The following SEMA6D variants were observed in gnomAD, a reference collection of about 807,000 sequenced individuals.
SEMA6D encodes the protein semaphorin-6D.
In SEMA6D, 35 loss-of-function variants were observed where a neutral mutation model predicts 106.6. The observed-to-expected ratio is 0.33, with a 90% CI of 0.25 to 0.44. SEMA6D has a LOEUF of 0.44. Ranked by LOEUF, SEMA6D falls within the 20% of genes least tolerant of loss-of-function variation. The pLI is 1.00. For synonymous variants in SEMA6D, 499 were observed against 487.7 expected (o/e 1.02, Z -0.31); for missense variants, 1,185 against 1,345.9 (o/e 0.88, Z 1.87).
intron 3 of SEMA6D, among the ~76,000 whole-genome samples, chr15:47,531,229 C>A (rs2044950342): frequency 6.6e-6 from 1 of 152,120 alleles, no homozygotes; most frequent in African/African-American, 2.4e-5. Context: ...GCTATAAATA[C>A]ACATATAGCA....
intron 2 of SEMA6D, among the ~76,000 whole-genome samples, chr15:47,469,313 TGTGTGTGTGTGTATGTGCACGCATGTGC>T (rs977073836): frequency 1.3e-5 from 2 of 150,682 alleles, no homozygotes; most frequent in Admixed American, 1.3e-4. Context: ...TGTGTGTGTG[TGTGTGTGTGTGTATGTGCACGCATGTGC>T]GTGTGTGTGT....
intron 1 of SEMA6D, among the ~76,000 whole-genome samples, chr15:47,201,142 A>G (rs1372123883): frequency 6.6e-6 from 1 of 152,364 alleles, no homozygotes; most frequent in African/African-American, 2.4e-5. Context: ...TTTACTTCCA[A>G]ATAATTTATT....
At chr15:47,722,264 A>C (rs1370727888) in intron 1 of SEMA6D, among the ~76,000 whole-genome samples, 1 of 152,200 alleles carries the variant, frequency 6.6e-6, no homozygotes, top group Non-Finnish European at 1.5e-5. Context: ...TTACACCTTC[A>C]GAACTTGAGT....
chr15:47,224,672 A>G (rs942259038), intron 1 of SEMA6D, among the ~76,000 whole-genome samples: 6 of 152,084 alleles, frequency 3.9e-5, no homozygotes, highest in African/African-American at 1.4e-4. Flanking sequence ...CTCAATAAAT[A>G]TTTGTTGAAT....
At chr15:47,434,082 C>T (rs1206403544) in intron 2 of SEMA6D, among the ~76,000 whole-genome samples, 1 of 152,020 alleles carries the variant, frequency 6.6e-6, no homozygotes, top group Non-Finnish European at 1.5e-5. Context: ...AATGAGAAGG[C>T]CACAATGACA....
intron 3 of SEMA6D, among the ~76,000 whole-genome samples, chr15:47,478,547 C>A (rs2043061574): frequency 6.6e-6 from 1 of 152,078 alleles, no homozygotes; most frequent in African/African-American, 2.4e-5. Flanking sequence ...ATGAAGCAAC[C>A]CTGAAGTCTG....
At chr15:47,564,198 A>G (rs951717344) in intron 3 of SEMA6D, among the ~76,000 whole-genome samples, 2 of 152,214 alleles carry the variant, frequency 1.3e-5, no homozygotes, top group African/African-American at 4.8e-5. Flanking sequence ...AAAAATACAA[A>G]AGACAAGAGT....
chr15:47,395,269 T>C (rs886977212), intron 1 of SEMA6D, among the ~76,000 whole-genome samples: 2 of 152,142 alleles, frequency 1.3e-5, no homozygotes, highest in African/African-American at 4.8e-5. Flanking sequence ...CAAAAACACT[T>C]CTGCTTTTGG....
intron 4 of SEMA6D, among the ~76,000 whole-genome samples, chr15:47,700,140 A>G (rs2078780254): frequency 6.6e-6 from 1 of 152,254 alleles, no homozygotes; most frequent in African/African-American, 2.4e-5. Flanking sequence ...AAGGAACTAA[A>G]TAAATGAAAG....
chr15:47,521,850 T>C (rs1435873682), intron 3 of SEMA6D, among the ~76,000 whole-genome samples: 3 of 151,706 alleles, frequency 2.0e-5, no homozygotes, highest in Non-Finnish European at 4.4e-5. Flanking sequence ...CCGGGCATGG[T>C]GGTGGGCGCC....
chr15:47,458,956 T>G (rs867951573), intron 2 of SEMA6D, among the ~76,000 whole-genome samples: 1 of 152,190 alleles, frequency 6.6e-6, no homozygotes, highest in Middle Eastern at 3.4e-3. Flanking sequence ...GATTTCCACC[T>G]CCTAGTATTC....
chr15:47,324,291 A>G (rs1323898555), intron 1 of SEMA6D, among the ~76,000 whole-genome samples: 1 of 152,196 alleles, frequency 6.6e-6, no homozygotes, highest in African/African-American at 2.4e-5. Flanking sequence ...ACAACTATGG[A>G]CCTACAAATA....
At chr15:47,607,505 C>T (rs2076805971) in intron 4 of SEMA6D, among the ~76,000 whole-genome samples, 1 of 152,196 alleles carries the variant, frequency 6.6e-6, no homozygotes, top group Non-Finnish European at 1.5e-5. Flanking sequence ...TGTATTTCCT[C>T]TATCACTCTA....
intron 3 of SEMA6D, among the ~76,000 whole-genome samples, chr15:47,549,293 T>G (rs1204691795): frequency 1.3e-5 from 2 of 152,156 alleles, no homozygotes; most frequent in Non-Finnish European, 1.5e-5. Context: ...AAGGGAAGCT[T>G]CTTCACCTTC....
intron 3 of SEMA6D, among the ~76,000 whole-genome samples, chr15:47,591,532 C>G (rs930640288): frequency 6.6e-6 from 1 of 152,082 alleles, no homozygotes; most frequent in African/African-American, 2.4e-5. Context: ...CACCTAGCTT[C>G]CCCCAGAGCA....
chr15:47,577,424 A>T (rs1444023800), intron 3 of SEMA6D, among the ~76,000 whole-genome samples: 1 of 152,272 alleles, frequency 6.6e-6, no homozygotes, highest in South Asian at 2.1e-4. Flanking sequence ...CAGAAAAGGC[A>T]CATGGCTGCA....
intron 1 of SEMA6D, among the ~76,000 whole-genome samples, chr15:47,234,504 T>A (rs1203568629): frequency 6.6e-6 from 1 of 151,896 alleles, no homozygotes; most frequent in Non-Finnish European, 1.5e-5. Context: ...CTTTCACCCT[T>A]CCCCTTCCTG....
chr15:47,361,668 C>A (rs763544352), intron 1 of SEMA6D, among the ~76,000 whole-genome samples: 1 of 152,152 alleles, frequency 6.6e-6, no homozygotes, highest in Non-Finnish European at 1.5e-5. Flanking sequence ...ATGCTCAGTG[C>A]GCATTTGAGG....
intron 3 of SEMA6D, among the ~76,000 whole-genome samples, chr15:47,502,184 A>G (rs927598564): frequency 1.3e-5 from 2 of 152,178 alleles, no homozygotes; most frequent in Non-Finnish European, 1.5e-5. Flanking sequence ...AAAAAATCAC[A>G]CTTAATCATA....
Sources: allele counts gnomAD v4.1 joint callset (sites outside exome capture counted in the v4.1 genomes callset), GRCh38; gene constraint gnomAD v4.1.1; transcripts MANE v1.5; gene names NCBI Gene and HGNC (gene_info 2026-07-23, HGNC 2026-07-21).